TRIM55: variants seen among roughly 807,000 people sequenced by gnomAD.
TRIM55 encodes tripartite motif containing 55.
TRIM55 carries 50 observed loss-of-function variants against 60.9 expected under a neutral mutation model. That is an observed-to-expected ratio of 0.82 (90% CI 0.65 to 1.04). The LOEUF (loss-of-function observed/expected upper bound fraction) is 1.04. TRIM55 is among the 50% of genes least tolerant of loss of function. TRIM55 has a pLI of 0.00. For synonymous variants in TRIM55, 237 were observed against 238.1 expected (o/e 1.00, Z 0.04); for missense variants, 681 against 666.9 (o/e 1.02, Z -0.23).
the TRIM55 span, among the ~76,000 whole-genome samples, chr8:66,114,051 C>G: frequency 7.1e-6 from 1 of 141,778 alleles, no homozygotes; most frequent in Admixed American, 8.0e-5. Context: ...ATCCTTAGGT[C>G]GCTGGTTCGA....
intron 8 of TRIM55, 144 bp downstream of exon 8, chr8:66,152,771 A>G (rs987936529): frequency 6.9e-6 from 8 of 1,165,330 alleles, no homozygotes; most frequent in Admixed American, 3.0e-5. Flanking sequence ...ATTTCAGGAC[A>G]GTCCTCATGT....
intron 4 of TRIM55, among the ~76,000 whole-genome samples, chr8:66,137,758 GAA>G (rs34634925): frequency 0.044 from 5,157 of 116,234 alleles, 184 homozygotes; most frequent in African/African-American, 0.12. Context: ...AATCAACACT[GAA>G]AAAAAAAAAA....
chr8:66,128,123 C>A (rs985752206), intron 1 of TRIM55, among the ~76,000 whole-genome samples, 181 bp from the exon 2 acceptor site: 1 of 152,162 alleles, frequency 6.6e-6, no homozygotes, highest in East Asian at 1.9e-4. Context: ...TCGCAGATGA[C>A]TGTGGATAAG....
At chr8:66,168,332 C>T (rs1811436806) in intron 9 of TRIM55, among the ~76,000 whole-genome samples, 1 of 152,216 alleles carries the variant, frequency 6.6e-6, no homozygotes, top group Non-Finnish European at 1.5e-5. Context: ...CTTGGCTGTA[C>T]TCTCCTTCCC....
chr8:66,127,058 A>C, upstream of TRIM55: 1 of 482,260 alleles, frequency 2.1e-6, no homozygotes, highest in Non-Finnish European at 3.7e-6. Context: ...TCACTGGCTT[A>C]TATGGACACG....
chr8:66,114,082 A>AACCCCCCC, the TRIM55 span, among the ~76,000 whole-genome samples: 1 of 75,298 alleles, frequency 1.3e-5, no homozygotes, highest in Non-Finnish European at 2.4e-5. Context: ...AAGGAGAGAC[A>AACCCCCCC]CCCCCCCCCC....
the TRIM55 span, chr8:66,114,547 T>C: frequency 2.2e-6 from 1 of 456,370 alleles, no homozygotes; most frequent in Non-Finnish European, 4.4e-6. Context: ...TGTGATAAGA[T>C]GTCTGCATTT....
At chr8:66,117,262 A>T in the TRIM55 span, among the ~76,000 whole-genome samples, 3 of 152,250 alleles carry the variant, frequency 2.0e-5, no homozygotes, top group Admixed American at 2.0e-4. Context: ...CTGAGTTTTC[A>T]GCTCTTGCCA....
upstream of TRIM55, chr8:66,126,850 G>C (rs1808838021): frequency 6.4e-6 from 1 of 156,318 alleles, no homozygotes; most frequent in Admixed American, 6.4e-5. Flanking sequence ...TTCTCAGTGA[G>C]TGCTCACAGA....
chr8:66,174,768 G>T lies in TRIM55; in HGVS notation c.*175G>T, dbSNP rs192582854. 8.2e-4 allele frequency: 413 copies of T among 500,892 alleles called. 5 individuals are homozygous for T. Among genetic ancestry groups the T allele is most frequent in the Middle Eastern group, 2.5e-3 (4 of 1,580 alleles). The allele number at this position is 500,892 out of a possible 1,614,324, so 31.0% of individuals were successfully genotyped here. On this transcript the variant is annotated 3_prime_UTR_variant, in exon 10 of 10. Coordinates refer to ENST00000315962, the MANE Select transcript of TRIM55 (RefSeq NM_184085.2). ...ACTTATCTAACATCTTGGGGGGAAA[G>T]AATATTTTGAGAAAATAGTTGCAGA... is the stretch of plus-strand genomic sequence containing the variant.
chr8:66,148,149 C>A (rs1810207895), intron 4 of TRIM55, among the ~76,000 whole-genome samples: 1 of 152,062 alleles, frequency 6.6e-6, no homozygotes, highest in African/African-American at 2.4e-5. Context: ...ATGGTCAAGT[C>A]CAAGGAGATT....
At chr8:66,162,883 G>A (rs985900508) in intron 9 of TRIM55, among the ~76,000 whole-genome samples, 1 of 152,046 alleles carries the variant, frequency 6.6e-6, no homozygotes, top group Non-Finnish European at 1.5e-5. Context: ...TCTTAAATTA[G>A]GTCTAAGATC....
chr8:66,150,578 A>G (rs1194917136), intron 7 of TRIM55, 112 bp downstream of exon 7: 2 of 1,245,364 alleles, frequency 1.6e-6, no homozygotes, highest in Non-Finnish European at 2.3e-6. Flanking sequence ...CAATGTCGAC[A>G]ACTTTACAAG....
chr8:66,160,011 T>C (rs1027905700), intron 9 of TRIM55, among the ~76,000 whole-genome samples: 5 of 152,160 alleles, frequency 3.3e-5, no homozygotes, highest in Non-Finnish European at 7.4e-5. Flanking sequence ...TTTTATTTTT[T>C]TATTTCAGTA....
At chr8:66,123,423 A>C (rs769638154), upstream of TRIM55, among the ~76,000 whole-genome samples, 3 of 152,202 alleles carry the variant, frequency 2.0e-5, no homozygotes, top group African/African-American at 7.2e-5. Flanking sequence ...CAAATATTTT[A>C]CAGAGTTTTA....
chr8:66,161,728 ATGTCCT>A (rs1316447917), intron 9 of TRIM55, among the ~76,000 whole-genome samples: 1 of 142,700 alleles, frequency 7.0e-6, no homozygotes, highest in Admixed American at 7.0e-5. Context: ...GAGGTCATTC[ATGTCCT>A]TGGTTAGGTA....
chr8:66,137,564 TCATAG>T (rs1809552332), intron 4 of TRIM55, among the ~76,000 whole-genome samples: 1 of 152,174 alleles, frequency 6.6e-6, no homozygotes, highest in Non-Finnish European at 1.5e-5. Context: ...CTTTAGACAG[TCATAG>T]GCAGGTTTGA....
chr8:66,127,798 G>C lies in TRIM55; in HGVS notation c.168+362G>C, dbSNP rs564113338. On this transcript the variant is annotated intron_variant, in intron 1 of 9. Coordinates refer to ENST00000315962, the MANE Select transcript of TRIM55 (RefSeq NM_184085.2). ...TGCAGCGAGCGGAGATCGTGCCATT[G>C]CCCTCCGGCCTGGGCAACAGAGCAA... Among the ~76,000 whole-genome samples, 8 of 152,248 alleles carry C rather than the reference G, an allele frequency of 5.3e-5. No homozygotes were observed. The East Asian group carries it at 1.5e-3, about 29-fold the overall frequency.
the TRIM55 span, among the ~76,000 whole-genome samples, chr8:66,114,083 C>CCT: frequency 3.2e-4 from 6 of 18,640 alleles, 1 homozygote; most frequent in African/African-American, 4.6e-4. Context: ...AGGAGAGACA[C>CCT]CCCCCCCCCC....
Sources: allele counts gnomAD v4.1 joint callset (sites outside exome capture counted in the v4.1 genomes callset), GRCh38; gene constraint gnomAD v4.1.1; transcripts MANE v1.5; gene names NCBI Gene and HGNC (gene_info 2026-07-23, HGNC 2026-07-21).